Variants in USP32 observed in about 807,000 individuals in gnomAD.
USP32 encodes the protein ubiquitin specific peptidase 32.
A neutral mutation model predicts 204.8 loss-of-function variants in USP32; 59 were observed. That is an observed-to-expected ratio of 0.29 (90% CI 0.23 to 0.36). USP32 has a LOEUF of 0.36. Among genes scored for constraint, USP32 ranks in the 10% least tolerant of loss-of-function variants. USP32 has a pLI of 1.00. For missense variants in USP32, 1,160 were observed against 1,946.4 expected (o/e 0.60, Z 7.60); for synonymous variants, 517 against 678.4 (o/e 0.76, Z 3.70).
intron 12 of USP32, among the ~76,000 whole-genome samples, chr17:60,234,509 C>T (rs1484870609): frequency 6.6e-6 from 1 of 151,484 alleles, no homozygotes; most frequent in Non-Finnish European, 1.5e-5. Flanking sequence ...GGGCAGATCA[C>T]GAGGTCAGGA....
chr17:60,326,309 C>CTT (rs1348199021), intron 2 of USP32, among the ~76,000 whole-genome samples: 2 of 144,972 alleles, frequency 1.4e-5, no homozygotes, highest in Admixed American at 6.9e-5. Flanking sequence ...GGTTTGTTTT[C>CTT]TTTTTTTTTT....
chr17:60,391,986 C>G lies in USP32; in HGVS notation c.-47G>C. 6.3e-7 allele frequency: 1 copy of G among 1,582,524 alleles called. No individual in the cohort carries two copies. Among genetic ancestry groups the G allele is most frequent in the Non-Finnish European group, 8.6e-7 (1 of 1,163,830 alleles). ...GGGGGTCGGAGCCTGATCTCGCCCCCACCCCCCTCCCGCCTTCTCCTCGGC... is the reference window on the plus strand; with the variant it reads ...GGGGGTCGGAGCCTGATCTCGCCCCGACCCCCCTCCCGCCTTCTCCTCGGC... On this transcript the variant is annotated 5_prime_UTR_variant, in exon 1 of 34. Coordinates refer to ENST00000300896, the MANE Select transcript of USP32 (RefSeq NM_032582.4).
chr17:60,259,976 T>C (rs776396708), intron 9 of USP32, among the ~76,000 whole-genome samples: 1 of 152,234 alleles, frequency 6.6e-6, no homozygotes, highest in Non-Finnish European at 1.5e-5. Flanking sequence ...ATTAGTTTTG[T>C]TCTATACCCT....
At chr17:60,185,288 T>C (rs1433943386) in intron 30 of USP32, among the ~76,000 whole-genome samples, 172 bp downstream of exon 30, 2 of 152,202 alleles carry the variant, frequency 1.3e-5, no homozygotes, top group Non-Finnish European at 2.9e-5. Flanking sequence ...CTACAAAATA[T>C]TTGTAGAAAG....
chr17:60,328,770 G>A (rs536688106), intron 2 of USP32, among the ~76,000 whole-genome samples: 2 of 152,282 alleles, frequency 1.3e-5, no homozygotes, highest in Admixed American at 6.5e-5. Context: ...CACACTCCCC[G>A]GGAGCAGCCA....
intron 5 of USP32, among the ~76,000 whole-genome samples, chr17:60,279,169 T>G (rs1399789539): frequency 6.6e-6 from 1 of 152,190 alleles, no homozygotes; most frequent in South Asian, 2.1e-4. Flanking sequence ...TGTCCTCCTG[T>G]ACCTTTAGTA....
chr17:60,190,746 A>G (rs1397337882), intron 28 of USP32, 63 bp from the exon 29 acceptor site: 2 of 1,560,648 alleles, frequency 1.3e-6, no homozygotes, highest in African/African-American at 1.4e-5. Flanking sequence ...AATTTTCTTA[A>G]TAAAAAATAT....
chr17:60,258,901 A>C (rs574199143), intron 9 of USP32, among the ~76,000 whole-genome samples: 1 of 152,286 alleles, frequency 6.6e-6, no homozygotes, highest in South Asian at 2.1e-4. Context: ...TGACCTTTCC[A>C]TTCTTTAAAA....
intron 1 of USP32, among the ~76,000 whole-genome samples, chr17:60,372,845 TAAAAAAAAAA>T (rs746725190): frequency 1.1e-5 from 1 of 88,396 alleles, no homozygotes; most frequent in African/African-American, 3.9e-5. Context: ...AGACCCTGTC[TAAAAAAAAAA>T]AAAAAAAAAA....
chr17:60,326,831 A>G (rs1357983776), intron 2 of USP32, among the ~76,000 whole-genome samples: 2 of 152,342 alleles, frequency 1.3e-5, no homozygotes, highest in East Asian at 1.9e-4. Context: ...TTATATTTAT[A>G]TAGATTACTA....
At chr17:60,312,000 A>G (rs1458368436) in intron 2 of USP32, among the ~76,000 whole-genome samples, 1 of 152,248 alleles carries the variant, frequency 6.6e-6, no homozygotes, top group Non-Finnish European at 1.5e-5. Flanking sequence ...ATACTGTTTT[A>G]TCATGGCTTT....
chr17:60,337,951 G>A (rs553114547), intron 2 of USP32, among the ~76,000 whole-genome samples: 4 of 152,254 alleles, frequency 2.6e-5, no homozygotes, highest in Non-Finnish European at 5.9e-5. Context: ...CTAATAAAAT[G>A]TTGTGCTATG....
At chr17:60,312,648 C>T (rs1304697445) in intron 2 of USP32, among the ~76,000 whole-genome samples, 1 of 151,628 alleles carries the variant, frequency 6.6e-6, no homozygotes, top group Non-Finnish European at 1.5e-5. Context: ...TACTATGTTG[C>T]CCAGGCTAAA....
intron 2 of USP32, among the ~76,000 whole-genome samples, chr17:60,332,293 A>C (rs537943210): frequency 6.6e-6 from 1 of 151,894 alleles, no homozygotes; most frequent in Non-Finnish European, 1.5e-5. Context: ...TTTGTCATGC[A>C]TATATACCAA....
At chr17:60,273,657 T>C (rs767266172) in intron 5 of USP32, among the ~76,000 whole-genome samples, 2 of 151,956 alleles carry the variant, frequency 1.3e-5, no homozygotes, top group Admixed American at 6.6e-5. Context: ...AAAATCAGGA[T>C]TAAAAATTAG....
intron 2 of USP32, among the ~76,000 whole-genome samples, chr17:60,331,503 C>T (rs1452053367): frequency 1.3e-5 from 2 of 150,224 alleles, no homozygotes; most frequent in Non-Finnish European, 3.0e-5. Flanking sequence ...GAGGTCAATG[C>T]TGCAGTGAGC....
At chr17:60,198,505 GTTC>G in intron 26 of USP32, 61 bp from the exon 27 acceptor site, 1 of 1,583,900 alleles carries the variant, frequency 6.3e-7, no homozygotes, top group Non-Finnish European at 8.6e-7. Context: ...CCTCCCTTTA[GTTC>G]TTCTAAATGC....
chr17:60,352,269 C>G (rs1042192981), intron 1 of USP32, among the ~76,000 whole-genome samples: 2 of 152,134 alleles, frequency 1.3e-5, no homozygotes, highest in Non-Finnish European at 2.9e-5. Context: ...TCCTTTTGCC[C>G]TTATCTCTTC....
At position 60,411,265 on chromosome 17, in the gene USP32, G is replaced by A. The variant is rs145497360; in HGVS notation, c.106+10981C>T. 9.6e-3 allele frequency among the ~76,000 whole-genome samples: 1,448 copies of A among 151,366 alleles called. 30 individuals carry two copies. The highest frequency in any genetic ancestry group is 0.033 in the African/African-American group (1,378 of 41,236). On this transcript the variant is annotated intron_variant, in intron 1 of 3. Transcript: ENST00000588898. ...CTTGAACCCAGGAGGTGGAGGTTGCGGTGAGCCGAGATTGCCCGATTGCAC... is the reference window on the plus strand; with the variant it reads ...CTTGAACCCAGGAGGTGGAGGTTGCAGTGAGCCGAGATTGCCCGATTGCAC...
Sources: gnomAD v4.1 joint callset for allele counts (sites outside exome capture counted in the v4.1 genomes callset) on GRCh38, gnomAD v4.1.1 for gene constraint, MANE v1.5 for transcripts, NCBI Gene and HGNC (gene_info 2026-07-23, HGNC 2026-07-21) for gene names.